The following FOXP1 variants were observed in gnomAD, a reference collection of about 807,000 sequenced individuals.
FOXP1 encodes the protein forkhead box protein P1.
Under a neutral mutation model 98.2 loss-of-function variants are expected in FOXP1, and 15 were observed. The observed-to-expected ratio is 0.15, with a 90% CI of 0.10 to 0.24. The LOEUF (loss-of-function observed/expected upper bound fraction) is 0.24. Ranked by LOEUF, FOXP1 falls within the 10% of genes least tolerant of loss-of-function variation. The pLI is 1.00. For missense variants in FOXP1, 633 were observed against 848.5 expected, an observed-to-expected ratio of 0.75 and a Z score of 3.15; for synonymous variants, 371 against 314.5, an observed-to-expected ratio of 1.18 and a Z score of -1.90.
intron 14 of FOXP1, among the ~76,000 whole-genome samples, chr3:70,980,707 G>A (rs2107377413): frequency 6.6e-6 from 1 of 152,262 alleles, no homozygotes; most frequent in South Asian, 2.1e-4. Context: ...GCTTATGCAT[G>A]ACAATCAACA....
chr3:70,992,317 C>T (rs970075612), intron 13 of FOXP1, among the ~76,000 whole-genome samples: 2 of 152,078 alleles, frequency 1.3e-5, no homozygotes, highest in African/African-American at 2.4e-5. Flanking sequence ...GAGATTAACC[C>T]GATGTGGCCC....
chr3:71,110,568 T>A, intron 7 of FOXP1, among the ~76,000 whole-genome samples: 1 of 152,224 alleles, frequency 6.6e-6, no homozygotes, highest in East Asian at 1.9e-4. Context: ...CTGTATACAT[T>A]AATAAATTAG....
chr3:71,482,595 T>G (rs1019649450), intron 3 of FOXP1, among the ~76,000 whole-genome samples: 1 of 152,102 alleles, frequency 6.6e-6, no homozygotes, highest in Non-Finnish European at 1.5e-5. Context: ...AGACGGGGTT[T>G]CACCATGTTG....
chr3:70,965,309 C>T (rs73116395), intron 20 of FOXP1, among the ~76,000 whole-genome samples: 21 of 152,308 alleles, frequency 1.4e-4, no homozygotes, highest in South Asian at 2.1e-4. Flanking sequence ...GGGCAGCCAT[C>T]GCCCATCACT....
chr3:71,521,781 T>C (rs1213798207), intron 2 of FOXP1, among the ~76,000 whole-genome samples: 1 of 152,180 alleles, frequency 6.6e-6, no homozygotes, highest in Non-Finnish European at 1.5e-5. Context: ...GAAACTAATG[T>C]TTCTCCCACA....
At chr3:71,558,444 G>A (rs1274625913) in intron 2 of FOXP1, among the ~76,000 whole-genome samples, 1 of 152,114 alleles carries the variant, frequency 6.6e-6, no homozygotes, top group Non-Finnish European at 1.5e-5. Context: ...CTAGGAGGCT[G>A]ATGAGGAAGG....
chr3:71,171,082 T>C (rs2061629551), intron 6 of FOXP1, among the ~76,000 whole-genome samples: 2 of 149,390 alleles, frequency 1.3e-5, no homozygotes, highest in Admixed American at 6.8e-5. Context: ...CATCCATTCA[T>C]ACAAATACAC....
intron 4 of FOXP1, among the ~76,000 whole-genome samples, chr3:71,326,369 G>A (rs1005326761): frequency 1.4e-4 from 22 of 152,058 alleles, no homozygotes; most frequent in African/African-American, 2.9e-4. Context: ...AAAGAGGCTC[G>A]GATGAAAAAT....
At chr3:71,430,937 A>G (rs1378419768) in intron 3 of FOXP1, among the ~76,000 whole-genome samples, 1 of 152,134 alleles carries the variant, frequency 6.6e-6, no homozygotes, top group Non-Finnish European at 1.5e-5. Flanking sequence ...GAAATATGGC[A>G]CCTGTACCAA....
intron 4 of FOXP1, among the ~76,000 whole-genome samples, chr3:71,331,493 C>T (rs759065518): frequency 7.2e-5 from 11 of 152,236 alleles, no homozygotes; most frequent in African/African-American, 1.4e-4. Context: ...GCGCACGGCG[C>T]GGGACTGGCA....
At chr3:70,987,958 TTTG>T in intron 14 of FOXP1, 33 bp downstream of exon 14, 1 of 1,593,720 alleles carries the variant, frequency 6.3e-7, no homozygotes, top group Non-Finnish European at 8.6e-7. Context: ...TACTGTGAGT[TTTG>T]TTTTTTTCCC....
intron 2 of FOXP1, among the ~76,000 whole-genome samples, chr3:71,527,417 A>C (rs973506470): frequency 6.6e-6 from 1 of 152,212 alleles, no homozygotes; most frequent in Non-Finnish European, 1.5e-5. Context: ...ATCTGCTCCC[A>C]AGCTAAGTGA....
chr3:71,556,713 C>A (rs941508655), intron 2 of FOXP1, among the ~76,000 whole-genome samples: 2 of 150,366 alleles, frequency 1.3e-5, no homozygotes, highest in African/African-American at 4.9e-5. Context: ...TAGCATTCCC[C>A]AAACCATAAC....
chr3:71,528,755 T>C (rs1182647568), intron 2 of FOXP1, among the ~76,000 whole-genome samples: 1 of 152,184 alleles, frequency 6.6e-6, no homozygotes, highest in Admixed American at 6.5e-5. Context: ...ACATTTAAGA[T>C]AGTTTACCCC....
chr3:71,494,250 T>C (rs1447938113), intron 2 of FOXP1, among the ~76,000 whole-genome samples: 2 of 152,202 alleles, frequency 1.3e-5, no homozygotes, highest in Non-Finnish European at 2.9e-5. Context: ...TCTTCACCTG[T>C]AGGGTCAGGG....
At chr3:70,966,855 T>A (rs1286241436) in intron 19 of FOXP1, among the ~76,000 whole-genome samples, 1 of 152,190 alleles carries the variant, frequency 6.6e-6, no homozygotes, top group African/African-American at 2.4e-5. Flanking sequence ...TTAGGATAGG[T>A]AGGATATTAT....
At chr3:71,135,931 T>TC (rs1356689439) in intron 6 of FOXP1, among the ~76,000 whole-genome samples, 1 of 152,198 alleles carries the variant, frequency 6.6e-6, no homozygotes, top group Non-Finnish European at 1.5e-5. Flanking sequence ...TGTCAGACTT[T>TC]CCCTCCCTTT....
chr3:71,083,168 G>A (rs1576647408), intron 7 of FOXP1, among the ~76,000 whole-genome samples: 2 of 152,224 alleles, frequency 1.3e-5, no homozygotes, highest in African/African-American at 4.8e-5. Context: ...GGTCACAGGG[G>A]CAGATCCCTC....
At chr3:71,229,721 G>T (rs1358263015) in intron 5 of FOXP1, among the ~76,000 whole-genome samples, 2 of 152,050 alleles carry the variant, frequency 1.3e-5, no homozygotes, top group Non-Finnish European at 2.9e-5. Context: ...CAAGAATGGA[G>T]CTTTGAAATT....
Sources: gnomAD v4.1 joint callset for allele counts (sites outside exome capture counted in the v4.1 genomes callset) on GRCh38, gnomAD v4.1.1 for gene constraint, MANE v1.5 for transcripts, NCBI Gene and HGNC (gene_info 2026-07-23, HGNC 2026-07-21) for gene names.